Variants in CPQ observed in about 807,000 individuals in gnomAD.
CPQ encodes the protein Ser-Met dipeptidase.
Under a neutral mutation model 45.7 loss-of-function variants are expected in CPQ, and 37 were observed. The observed-to-expected ratio is 0.81, with a 90% CI of 0.62 to 1.07. CPQ has a LOEUF of 1.07. Ranked by LOEUF, CPQ falls within the 50% of genes least tolerant of loss-of-function variation. The pLI, the probability that CPQ is intolerant of heterozygous loss-of-function variation, is 0.00. For synonymous variants in CPQ, 186 were observed against 205.8 expected (o/e 0.90, Z 0.82); for missense variants, 537 against 572.9 (o/e 0.94, Z 0.64).
At chr8:97,052,109 T>C (rs1440548619) in intron 6 of CPQ, among the ~76,000 whole-genome samples, 2 of 152,192 alleles carry the variant, frequency 1.3e-5, no homozygotes, top group Non-Finnish European at 2.9e-5. Flanking sequence ...TCCCGACATA[T>C]TTGCTGCTAT....
chr8:97,108,921 T>A (rs1811453372), intron 7 of CPQ, among the ~76,000 whole-genome samples: 1 of 152,176 alleles, frequency 6.6e-6, no homozygotes, highest in African/African-American at 2.4e-5. Flanking sequence ...TCTGCCATGA[T>A]CCTTAGTGAC....
chr8:97,106,482 C>G (rs1811405659), intron 7 of CPQ, among the ~76,000 whole-genome samples: 1 of 152,234 alleles, frequency 6.6e-6, no homozygotes, highest in South Asian at 2.1e-4. Flanking sequence ...AACAGTGCTC[C>G]CTGCTCTTGC....
At chr8:97,129,421 A>G (rs926650796) in intron 7 of CPQ, among the ~76,000 whole-genome samples, 3 of 152,192 alleles carry the variant, frequency 2.0e-5, no homozygotes, top group African/African-American at 7.2e-5. Context: ...AAATGAGGAT[A>G]ATAATAATTA....
intron 5 of CPQ, among the ~76,000 whole-genome samples, chr8:97,024,639 T>C (rs1809767452): frequency 6.6e-6 from 1 of 152,164 alleles, no homozygotes; most frequent in Non-Finnish European, 1.5e-5. Flanking sequence ...TACGACAGAT[T>C]ATGTAATTTG....
At chr8:97,035,288 A>G (rs1277593445) in intron 6 of CPQ, among the ~76,000 whole-genome samples, 1 of 152,210 alleles carries the variant, frequency 6.6e-6, no homozygotes, top group African/African-American at 2.4e-5. Context: ...GTTGATGGAC[A>G]TGTGAGTTGT....
intron 7 of CPQ, among the ~76,000 whole-genome samples, chr8:97,112,147 T>TTTTA (rs1811507631): frequency 1.4e-5 from 2 of 142,152 alleles, no homozygotes; most frequent in African/African-American, 5.4e-5. Context: ...TTTTTATTAT[T>TTTTA]TTTATTTTTT....
intron 3 of CPQ, among the ~76,000 whole-genome samples, chr8:96,864,010 C>G (rs1441403911): frequency 2.0e-5 from 3 of 152,044 alleles, no homozygotes; most frequent in African/African-American, 7.2e-5. Flanking sequence ...TGATTATAGG[C>G]TACATAGTAA....
At position 97,122,185 on chromosome 8, in the gene CPQ, G is replaced by A. The variant is rs551730042; in HGVS notation, c.1256-20835G>A. The stretch of plus-strand genomic sequence containing the variant: ...AACAACTATAAACTGACATATCCAA[G>A]AAACTCAATAAAACCCAAGCATGAT... On this transcript the variant is annotated intron_variant, in intron 7 of 7. Transcript: ENST00000220763. 1.2e-4 allele frequency among the ~76,000 whole-genome samples: 18 copies of A among 152,008 alleles called. No individual in the cohort carries two copies. In the South Asian group the frequency reaches 2.7e-3, roughly 23 times the overall value.
chr8:96,725,290 T>C (rs1178655743), intron 1 of CPQ, among the ~76,000 whole-genome samples: 2 of 152,072 alleles, frequency 1.3e-5, no homozygotes, highest in African/African-American at 2.4e-5. Flanking sequence ...ACAGATTAAA[T>C]AGACAACCTA....
chr8:96,910,509 T>TC lies in CPQ; in HGVS notation c.849+30504_849+30505insC, dbSNP rs775355842. ...GTGAAATAGTGTTATAATCTTTTTT[T>TC]TCTCTCTCTCTTTGAGACGGAGTCT... On this transcript the variant is annotated intron_variant, in intron 4 of 7. Transcript: ENST00000220763. 1.4e-4 allele frequency among the ~76,000 whole-genome samples: 21 copies of TC among 152,240 alleles called. No homozygotes were observed. The East Asian group carries it at 2.3e-3, about 17-fold the overall frequency.
At chr8:96,786,087 T>C (rs1168357124) in intron 2 of CPQ, among the ~76,000 whole-genome samples, 1 of 152,172 alleles carries the variant, frequency 6.6e-6, no homozygotes, top group Non-Finnish European at 1.5e-5. Context: ...ATTTTTAATA[T>C]ATTCACAGAG....
chr8:96,801,644 T>C (rs1479819348), intron 2 of CPQ, among the ~76,000 whole-genome samples: 1 of 152,200 alleles, frequency 6.6e-6, no homozygotes, highest in Non-Finnish European at 1.5e-5. Flanking sequence ...TTCAATTTTA[T>C]GAAAAATCTT....
intron 2 of CPQ, among the ~76,000 whole-genome samples, chr8:96,830,908 A>G (rs571560606): frequency 3.3e-5 from 5 of 152,204 alleles, no homozygotes; most frequent in Admixed American, 6.5e-5. Flanking sequence ...TAATATAACA[A>G]TGCAGTTAAT....
intron 5 of CPQ, among the ~76,000 whole-genome samples, chr8:97,012,780 T>G (rs1809512700): frequency 6.6e-6 from 1 of 152,146 alleles, no homozygotes; most frequent in South Asian, 2.1e-4. Flanking sequence ...CTCTATAAGG[T>G]CAGCTAATCC....
intron 6 of CPQ, among the ~76,000 whole-genome samples, chr8:97,041,443 G>C (rs924816569): frequency 6.6e-6 from 1 of 152,164 alleles, no homozygotes; most frequent in African/African-American, 2.4e-5. Context: ...GGGACAATTT[G>C]ACTTCCTCTT....
At chr8:97,119,778 G>A (rs1406189999) in intron 7 of CPQ, among the ~76,000 whole-genome samples, 2 of 152,194 alleles carry the variant, frequency 1.3e-5, no homozygotes, top group African/African-American at 4.8e-5. Flanking sequence ...AGTCAGGAGT[G>A]AGTTTTAATT....
chr8:96,712,674 T>G (rs1304009663), intron 1 of CPQ, among the ~76,000 whole-genome samples: 1 of 152,176 alleles, frequency 6.6e-6, no homozygotes, highest in East Asian at 1.9e-4. Context: ...CATCATGTCT[T>G]GAGGCTGCAT....
chr8:97,118,623 C>A (rs1811637310), intron 7 of CPQ, among the ~76,000 whole-genome samples: 1 of 152,172 alleles, frequency 6.6e-6, no homozygotes, highest in Non-Finnish European at 1.5e-5. Context: ...ACAAATGTCA[C>A]ATTCTGCCGT....
intron 1 of CPQ, among the ~76,000 whole-genome samples, chr8:96,762,408 T>C (rs1467466526): frequency 6.6e-6 from 1 of 152,154 alleles, no homozygotes; most frequent in African/African-American, 2.4e-5. Flanking sequence ...AAAGAGAAAA[T>C]AATATAAGAA....
Sources: allele counts gnomAD v4.1 joint callset (sites outside exome capture counted in the v4.1 genomes callset), GRCh38; gene constraint gnomAD v4.1.1; transcripts MANE v1.5; gene names NCBI Gene and HGNC (gene_info 2026-07-23, HGNC 2026-07-21).